RTTN: variants seen among roughly 807,000 people sequenced by gnomAD.
The protein encoded by RTTN is rotatin.
RTTN carries 182 observed loss-of-function variants against 269.2 expected under a neutral mutation model. That is an observed-to-expected ratio of 0.68 (90% confidence interval 0.60 to 0.76). RTTN has a LOEUF of 0.76. Among genes scored for constraint, RTTN ranks in the 30% least tolerant of loss-of-function variants. The pLI is 0.00. For synonymous variants in RTTN, 1,006 were observed against 963.5 expected (o/e 1.04, Z -0.82); for missense variants, 2,545 against 2,608.6 (o/e 0.98, Z 0.53).
At position 70,017,314 on chromosome 18, in the gene RTTN, T is replaced by A. The variant is rs2056570145; in HGVS notation, c.6421+93A>T. 2.4e-6 allele frequency: 3 copies of A among 1,241,920 alleles called. No homozygotes were observed. In the Admixed American group the frequency reaches 6.6e-5, roughly 27 times the overall value. The allele number at this position is 1,241,920 out of a possible 1,614,324, so 76.9% of individuals were successfully genotyped here. On this transcript the variant is annotated intron_variant, in intron 46 of 48. Transcript: ENST00000640769. ...TTGAACACAGTGGGTGCTTAATAAA[T>A]GCCTAGAAAATTATTTATAAAATTA...
In RTTN at chr18:70,109,731, A is replaced by G. The variant is rs750061439; in HGVS notation, c.3684-14T>C. 2 of 1,610,032 alleles carry G rather than the reference A, an allele frequency of 1.2e-6. No homozygotes were observed. Among genetic ancestry groups the G allele is most frequent in the East Asian group, 4.5e-5 (2 of 44,860 alleles). ...TCCGAGCATTTCCTATGTATGCAAAAGAGGGAAAATCAACCACCAAGAAAG... is the reference window on the plus strand; with the variant it reads ...TCCGAGCATTTCCTATGTATGCAAAGGAGGGAAAATCAACCACCAAGAAAG... On this transcript the variant is annotated splice_polypyrimidine_tract_variant and intron_variant, in intron 27 of 48. Coordinates refer to ENST00000640769, the MANE Select transcript of RTTN (RefSeq NM_173630.4).
intron 30 of RTTN, among the ~76,000 whole-genome samples, chr18:70,090,151 G>C (rs1053494112): frequency 6.6e-6 from 1 of 152,160 alleles, no homozygotes; most frequent in Non-Finnish European, 1.5e-5. Flanking sequence ...AAGATGCAGA[G>C]AATGAAGGAA....
chr18:70,192,127 AAAG>A (rs2061686497), intron 8 of RTTN, among the ~76,000 whole-genome samples: 1 of 152,176 alleles, frequency 6.6e-6, no homozygotes, highest in African/African-American at 2.4e-5. Flanking sequence ...TAGGACAACT[AAAG>A]GAGACAAAGT....
intron 28 of RTTN, among the ~76,000 whole-genome samples, chr18:70,095,072 T>TC (rs1372377584): frequency 1.3e-5 from 2 of 151,626 alleles, no homozygotes; most frequent in South Asian, 2.1e-4. Context: ...TGTTTTTTTT[T>TC]TTATCTTTGT....
chr18:70,024,337 A>C (rs1335647092), intron 44 of RTTN, among the ~76,000 whole-genome samples: 3 of 152,172 alleles, frequency 2.0e-5, no homozygotes, highest in Non-Finnish European at 4.4e-5. Context: ...TCACCAGACC[A>C]ACTGTTATGA....
At chr18:70,011,956 A>T (rs1219412235) in intron 46 of RTTN, among the ~76,000 whole-genome samples, 11 of 46,754 alleles carry the variant, frequency 2.4e-4, no homozygotes, top group Non-Finnish European at 4.8e-4. Flanking sequence ...GGTATTGGTT[A>T]CAGGGCAGCG....
chr18:70,061,442 T>C (rs1015914377), intron 35 of RTTN: 2 of 456,248 alleles, frequency 4.4e-6, no homozygotes, highest in Non-Finnish European at 8.8e-6. Flanking sequence ...ATTTGGGCAC[T>C]AAATGTATAC....
At chr18:70,176,316 A>G (rs2061300223) in intron 11 of RTTN, among the ~76,000 whole-genome samples, 1 of 152,148 alleles carries the variant, frequency 6.6e-6, no homozygotes, top group South Asian at 2.1e-4. Flanking sequence ...GCCAGGGACT[A>G]ATTCTAACCT....
At chr18:70,137,852 T>C (rs952286458) in intron 21 of RTTN, among the ~76,000 whole-genome samples, 3 of 152,178 alleles carry the variant, frequency 2.0e-5, no homozygotes, top group African/African-American at 7.2e-5. Flanking sequence ...CCAACTCTAC[T>C]GTAAGCTCCA....
At chr18:70,180,044 C>CCTA (rs758081132) in intron 10 of RTTN, among the ~76,000 whole-genome samples, 1 of 152,104 alleles carries the variant, frequency 6.6e-6, no homozygotes, top group Non-Finnish European at 1.5e-5. Context: ...TACTACCAGG[C>CCTA]CTATCCTTTA....
intron 40 of RTTN, among the ~76,000 whole-genome samples, chr18:70,035,795 T>A (rs1012514045): frequency 6.6e-6 from 1 of 152,104 alleles, no homozygotes; most frequent in African/African-American, 2.4e-5. Context: ...GGAGAAAATA[T>A]CTGCAAACTA....
chr18:70,131,891 T>G (rs1218509119), intron 23 of RTTN: 1 of 151,758 alleles, frequency 6.6e-6, no homozygotes, highest in Non-Finnish European at 1.5e-5. Context: ...AAATATTCCA[T>G]TAAAACTGTA....
At chr18:70,114,738 G>C (rs1010945983) in intron 26 of RTTN, 139 bp from the exon 27 acceptor site, 2 of 487,344 alleles carry the variant, frequency 4.1e-6, no homozygotes, top group African/African-American at 2.0e-5. Context: ...TGCATTAGTA[G>C]AGATGTTCTA....
Position 70,153,236 on chromosome 18 carries a change from CTA to C in RTTN, c.1930-2505_1930-2504del, listed in dbSNP as rs61001454. Among the ~76,000 whole-genome samples, 990 of 150,476 alleles carry C rather than the reference CTA, an allele frequency of 6.6e-3. 9 individuals are homozygous for C. The highest frequency in any genetic ancestry group is 0.018 in the African/African-American group (739 of 41,118). ...TTGAATGTATATGCAGTGTTGTAAA[CTA>C]TATATATATATACATATTCTATACA... On this transcript the variant is annotated intron_variant, in intron 14 of 48. Coordinates refer to ENST00000640769, the MANE Select transcript of RTTN (RefSeq NM_173630.4).
At chr18:70,042,678 G>C (rs1481301463) in intron 40 of RTTN, among the ~76,000 whole-genome samples, 1 of 152,126 alleles carries the variant, frequency 6.6e-6, no homozygotes, top group Non-Finnish European at 1.5e-5. Flanking sequence ...CCCAGCCAAG[G>C]CTTCAGAATT....
chr18:70,057,742 C>A lies in RTTN; in HGVS notation c.5031G>T (p.Gln1677His). The A allele has an allele frequency of 6.2e-7, 1 of 1,612,996 alleles. No homozygotes were observed. Residue 1677 changes from glutamine to histidine, a missense_variant and splice_region_variant, in exon 37 of 49, where the codon CAG becomes CAT. Coordinates refer to ENST00000640769, the MANE Select transcript of RTTN (RefSeq NM_173630.4). ...CCACAAACAGACTTGAGATGCTTAC[C>A]TGAGCCTGAGTGTGTTCAGCTGGAG... is the stretch of plus-strand genomic sequence containing the variant. ...SSPPAEHTQAQVSFLLEYLSS... is the reference protein window; with the variant it reads ...SSPPAEHTQAHVSFLLEYLSS...
chr18:70,193,399 TG>T lies in RTTN; in HGVS notation c.895del (p.His299IlefsTer46). ...LSYCHEARGT[H>X]HSQNPSPGSS... Reference sequence around the variant, plus strand: ...TCCTGGGGAAGGATTCTGGGAATGATGAGTACCTCTTGCTTCATGACAATAA... The same window carrying T: ...TCCTGGGGAAGGATTCTGGGAATGATAGTACCTCTTGCTTCATGACAATAA... On this transcript the variant is annotated frameshift_variant, in exon 8 of 49. Transcript: ENST00000640769. LOFTEE classifies it high-confidence loss of function. 2 of 1,605,172 alleles carry T rather than the reference TG, an allele frequency of 1.2e-6. No individual in the cohort carries two copies. Among genetic ancestry groups the T allele is most frequent in the Non-Finnish European group, 1.7e-6 (2 of 1,176,590 alleles).
intron 28 of RTTN, among the ~76,000 whole-genome samples, chr18:70,107,182 T>G (rs1329521446): frequency 1.3e-5 from 2 of 152,132 alleles, no homozygotes; most frequent in Admixed American, 1.3e-4. Flanking sequence ...TTATAAGCTG[T>G]AGCTATGCCC....
At chr18:70,097,817 T>C (rs1414547457) in intron 28 of RTTN, among the ~76,000 whole-genome samples, 1 of 152,218 alleles carries the variant, frequency 6.6e-6, no homozygotes, top group Non-Finnish European at 1.5e-5. Context: ...TAACAGTTCA[T>C]TTCAATTTCT....
Sources: gnomAD v4.1 joint callset for allele counts (sites outside exome capture counted in the v4.1 genomes callset) on GRCh38, gnomAD v4.1.1 for gene constraint, MANE v1.5 for transcripts, NCBI Gene and HGNC (gene_info 2026-07-23, HGNC 2026-07-21) for gene names.